Variants in EEFSEC observed in about 807,000 individuals in gnomAD.
EEFSEC encodes the protein selenocysteine-specific elongation factor.
In EEFSEC, 43 loss-of-function variants were observed where a neutral mutation model predicts 42.1. The ratio of observed to expected loss-of-function variants is 1.02; its 90% CI spans 0.80 to 1.32. EEFSEC has a LOEUF of 1.32. EEFSEC is among the 40% of genes most tolerant of loss of function. EEFSEC has a pLI of 0.00. For missense variants in EEFSEC, 745 were observed against 803.6 expected, an observed-to-expected ratio of 0.93 and a Z score of 0.88; for synonymous variants, 354 against 339.1, an observed-to-expected ratio of 1.04 and a Z score of -0.48.
chr3:128,184,131 CTT>C (rs1194310401), intron 1 of EEFSEC, among the ~76,000 whole-genome samples: 2 of 152,136 alleles, frequency 1.3e-5, no homozygotes, highest in African/African-American at 4.8e-5. Flanking sequence ...CCAACAACTA[CTT>C]TTAGTGTTTT....
At chr3:128,221,932 G>T (rs1265126644) in intron 1 of EEFSEC, among the ~76,000 whole-genome samples, 1 of 151,824 alleles carries the variant, frequency 6.6e-6, no homozygotes, top group Non-Finnish European at 1.5e-5. Context: ...TATTAAAAAT[G>T]CAGTCATTGC....
At chr3:128,247,449 G>C (rs2066139855) in intron 2 of EEFSEC, among the ~76,000 whole-genome samples, 1 of 152,198 alleles carries the variant, frequency 6.6e-6, no homozygotes, top group Non-Finnish European at 1.5e-5. Context: ...GAGAGGCTAG[G>C]ACTGTGTTCT....
At chr3:128,204,823 C>T (rs1323520339) in intron 1 of EEFSEC, among the ~76,000 whole-genome samples, 2 of 151,974 alleles carry the variant, frequency 1.3e-5, no homozygotes, top group Admixed American at 6.5e-5. Context: ...TCACTGAGAC[C>T]CACCCAGCCA....
rs563953117 is a variant in EEFSEC, at chr3:128,284,550, C to T, written c.786+19769C>T. On this transcript the variant is annotated intron_variant, in intron 4 of 6. Transcript: ENST00000254730. ...AGAGGCTAAGATGCAAGCAGAGGGT[C>T]GGAGCAGGCTTTTGGGCACTCAGGG... 9.2e-5 allele frequency among the ~76,000 whole-genome samples: 14 copies of T among 152,166 alleles called. No individual in the cohort carries two copies. In the South Asian group the frequency reaches 1.0e-3, roughly 11 times the overall value.
intron 6 of EEFSEC, among the ~76,000 whole-genome samples, chr3:128,406,956 AG>A (rs138019903): frequency 0.04 from 6,072 of 152,224 alleles, 180 homozygotes; most frequent in African/African-American, 0.081. Flanking sequence ...CTCCAGAGAA[AG>A]GGCAGTTGCA....
At chr3:128,379,084 C>T (rs1261586232) in intron 6 of EEFSEC, among the ~76,000 whole-genome samples, 1 of 152,204 alleles carries the variant, frequency 6.6e-6, no homozygotes, top group African/African-American at 2.4e-5. Context: ...CGCCACTGCC[C>T]TTTGTGGATC....
intron 6 of EEFSEC, among the ~76,000 whole-genome samples, chr3:128,407,367 A>T (rs990565204): frequency 6.6e-6 from 1 of 152,204 alleles, no homozygotes; most frequent in Non-Finnish European, 1.5e-5. Context: ...TGTGAGCCCC[A>T]TGGCCCCACT....
At chr3:128,244,851 C>T (rs1576576468) in intron 1 of EEFSEC, among the ~76,000 whole-genome samples, 2 of 152,346 alleles carry the variant, frequency 1.3e-5, no homozygotes, top group East Asian at 3.9e-4. Context: ...CCTTGCCCTT[C>T]TCACTCACTC....
chr3:128,235,586 C>T (rs554260573), intron 1 of EEFSEC, among the ~76,000 whole-genome samples: 1 of 152,336 alleles, frequency 6.6e-6, no homozygotes, highest in East Asian at 1.9e-4. Context: ...CTTTCTCCCA[C>T]GGATCCTCTA....
chr3:128,167,381 G>GGAAT (rs909526043), intron 1 of EEFSEC, among the ~76,000 whole-genome samples: 5 of 152,142 alleles, frequency 3.3e-5, no homozygotes, highest in African/African-American at 1.2e-4. Flanking sequence ...CATGCATATC[G>GGAAT]GAATGAATGA....
intron 5 of EEFSEC, among the ~76,000 whole-genome samples, chr3:128,348,315 C>T (rs1351519419): frequency 8.1e-6 from 1 of 123,170 alleles, no homozygotes; most frequent in Non-Finnish European, 1.7e-5. Context: ...TGTGTTCATT[C>T]TTTCACATAT....
Position 128,375,314 on chromosome 3 carries a change from A to G in EEFSEC, c.1600+16941A>G, listed in dbSNP as rs149105012. Among the ~76,000 whole-genome samples, 319 of 152,242 alleles carry G rather than the reference A, an allele frequency of 2.1e-3. 5 individuals carry two copies. The East Asian group carries it at 0.024, about 12-fold the overall frequency. On this transcript the variant is annotated intron_variant, in intron 6 of 6. Transcript: ENST00000254730. The stretch of plus-strand genomic sequence containing the variant: ...TAAAGCCACTGCCTCTTCATGTGCC[A>G]TCTTCCAGCACCTGTCTGTCTGGTG...
At chr3:128,371,121 T>A (rs1048117420) in intron 6 of EEFSEC, among the ~76,000 whole-genome samples, 13 of 152,270 alleles carry the variant, frequency 8.5e-5, no homozygotes, top group African/African-American at 2.4e-4. Context: ...GTTTTTTTTT[T>A]AAAAGCAATG....
intron 6 of EEFSEC, chr3:128,362,155 TG>T (rs1260859277): frequency 2.0e-6 from 1 of 491,492 alleles, no homozygotes; most frequent in Admixed American, 2.1e-5. Flanking sequence ...AAGCTCATCT[TG>T]GCAAGCCGTC....
At chr3:128,212,124 G>A (rs867693440) in intron 1 of EEFSEC, among the ~76,000 whole-genome samples, 9 of 151,626 alleles carry the variant, frequency 5.9e-5, no homozygotes, top group African/African-American at 2.2e-4. Flanking sequence ...GCCTCCCAAA[G>A]TGCTGGCATT....
chr3:128,207,019 C>G (rs1311147782), intron 1 of EEFSEC, among the ~76,000 whole-genome samples: 1 of 152,154 alleles, frequency 6.6e-6, no homozygotes, highest in African/African-American at 2.4e-5. Flanking sequence ...CTTAAGAGCC[C>G]TAGTTCAAGA....
At chr3:128,261,611 T>C (rs965479911) in intron 2 of EEFSEC, among the ~76,000 whole-genome samples, 44 of 141,902 alleles carry the variant, frequency 3.1e-4, no homozygotes, top group African/African-American at 1.0e-3. Flanking sequence ...GAAAGATAAA[T>C]GTCCACACAG....
chr3:128,246,092 C>G (rs1209150348), intron 1 of EEFSEC, among the ~76,000 whole-genome samples: 1 of 152,220 alleles, frequency 6.6e-6, no homozygotes. Flanking sequence ...AGGAAACAGT[C>G]ACTTCACTGG....
chr3:128,172,116 T>C (rs539451268), intron 1 of EEFSEC, among the ~76,000 whole-genome samples: 1 of 152,358 alleles, frequency 6.6e-6, no homozygotes, highest in African/African-American at 2.4e-5. Flanking sequence ...GGTTTACAAC[T>C]CCTGTCCCAC....
Sources: gnomAD v4.1 joint callset for allele counts (sites outside exome capture counted in the v4.1 genomes callset) on GRCh38, gnomAD v4.1.1 for gene constraint, MANE v1.5 for transcripts, NCBI Gene and HGNC (gene_info 2026-07-23, HGNC 2026-07-21) for gene names.